Variants in RTN4IP1 observed in about 807,000 individuals in gnomAD.
RTN4IP1 encodes the protein reticulon 4 interacting protein 1, also known as NAD(P)H oxidoreductase RTN4IP1, mitochondrial.
A neutral mutation model predicts 46.6 loss-of-function variants in RTN4IP1; 32 were observed. The ratio of observed to expected loss-of-function variants is 0.69; its 90% CI spans 0.52 to 0.92. RTN4IP1 has a LOEUF of 0.92. RTN4IP1 is among the 40% of genes least tolerant of loss of function. The pLI is 0.00. For synonymous variants in RTN4IP1, 167 were observed against 161.8 expected (o/e 1.03, Z -0.24); for missense variants, 424 against 485.8 (o/e 0.87, Z 1.20).
Position 106,580,213 on chromosome 6 carries a change from C to CAAA in RTN4IP1, c.1083+3112_1083+3114dup, listed in dbSNP as rs746909333. 4.9e-3 allele frequency among the ~76,000 whole-genome samples: 339 copies of CAAA among 69,134 alleles called. 4 individuals are homozygous for CAAA. The highest frequency in any genetic ancestry group is 0.015 in the African/African-American group (283 of 19,280). The allele number at this position is 69,134 out of a possible 152,430, so 45.4% of individuals were successfully genotyped here. On this transcript the variant is annotated intron_variant, in intron 8 of 8. Coordinates refer to ENST00000369063, the MANE Select transcript of RTN4IP1 (RefSeq NM_032730.5). ...TGGGCGACAGAGCAAGACTCTGTCTCAAAAAAAAAAAAAAAAAAAGATAGT... is the reference window on the plus strand; with the variant it reads ...TGGGCGACAGAGCAAGACTCTGTCTCAAAAAAAAAAAAAAAAAAAAAAGATAGT...
At chr6:106,620,053 G>T (rs960743456) in intron 3 of RTN4IP1, among the ~76,000 whole-genome samples, 1 of 151,570 alleles carries the variant, frequency 6.6e-6, no homozygotes, top group East Asian at 1.9e-4. Context: ...TTTATTCTAA[G>T]AATACAGTAT....
In RTN4IP1 at chr6:106,625,290, C is replaced by T. The variant is rs543799525; in HGVS notation, c.275-2321G>A. ...CCACTCTGTACGTCTCCCCTTGCCCCGCACCCACTCCTGTGGGCAATCCAT... is the reference window on the plus strand; with the variant it reads ...CCACTCTGTACGTCTCCCCTTGCCCTGCACCCACTCCTGTGGGCAATCCAT... On this transcript the variant is annotated intron_variant, in intron 1 of 8. Transcript: ENST00000369063. 3.2e-4 allele frequency among the ~76,000 whole-genome samples: 49 copies of T among 152,076 alleles called. No homozygotes were observed. In the South Asian group the frequency reaches 0.01, roughly 32 times the overall value.
chr6:106,611,689 G>A lies in RTN4IP1; in HGVS notation c.620+7513C>T, dbSNP rs150827010. ...GTGAGAAACTTAATCTGAATAAGTG[G>A]AAAAATATAGCTACAAAACAAATCA... On this transcript the variant is annotated intron_variant, in intron 4 of 8. Coordinates refer to ENST00000369063, the MANE Select transcript of RTN4IP1 (RefSeq NM_032730.5). 1.8e-3 allele frequency among the ~76,000 whole-genome samples: 267 copies of A among 152,274 alleles called. 1 individual carries two copies. The highest frequency in any genetic ancestry group is 6.2e-3 in the African/African-American group (256 of 41,556).
chr6:106,573,143 C>T (rs1775123377), intron 8 of RTN4IP1, among the ~76,000 whole-genome samples: 1 of 152,196 alleles, frequency 6.6e-6, no homozygotes, highest in Non-Finnish European at 1.5e-5. Flanking sequence ...TCAGTAATGC[C>T]AGCAACCTCC....
intron 8 of RTN4IP1, among the ~76,000 whole-genome samples, chr6:106,573,875 G>A (rs1350539828): frequency 2.6e-5 from 4 of 152,212 alleles, no homozygotes; most frequent in African/African-American, 7.2e-5. Flanking sequence ...TGTGCCAGCT[G>A]AGGACCTGGT....
rs1390128467 is a variant in RTN4IP1, at chr6:106,610,353, C to T, written c.621-7431G>A. ...TGCTGGGATTACAGGTGTGAGCCAC[C>T]GCACCCGGCGGCAAAATAAATTTTC... is the stretch of plus-strand genomic sequence containing the variant. On this transcript the variant is annotated intron_variant, in intron 4 of 8. Transcript: ENST00000369063. 1.1e-4 allele frequency among the ~76,000 whole-genome samples: 17 copies of T among 152,214 alleles called. No homozygotes were observed. The South Asian group carries it at 1.5e-3, about 13-fold the overall frequency.
intron 4 of RTN4IP1, among the ~76,000 whole-genome samples, chr6:106,608,095 G>A (rs1776132053): frequency 6.6e-6 from 1 of 152,238 alleles, no homozygotes; most frequent in East Asian, 1.9e-4. Flanking sequence ...TCCATTAACA[G>A]ATAAACAGGT....
At chr6:106,587,917 G>A in intron 6 of RTN4IP1, 55 bp from the exon 7 acceptor site, 1 of 1,463,698 alleles carries the variant, frequency 6.8e-7, no homozygotes, top group Non-Finnish European at 9.3e-7. Context: ...ACTGGACTCT[G>A]ATCCTCCTTC....
chr6:106,605,161 C>T (rs113754341), intron 4 of RTN4IP1, among the ~76,000 whole-genome samples: 150 of 152,306 alleles, frequency 9.8e-4, no homozygotes, highest in African/African-American at 3.5e-3. Context: ...ACAGGCCAAG[C>T]GCGGTAGCTC....
chr6:106,629,834 G>A (rs1190786136), upstream of RTN4IP1: 5 of 1,121,706 alleles, frequency 4.5e-6, no homozygotes, highest in East Asian at 5.2e-5. Context: ...CTGAGTGGGG[G>A]ATAAGTACCT....
In RTN4IP1 at chr6:106,619,307, G is replaced by A; in HGVS notation, c.515C>T (p.Ser172Leu). 3.1e-6 allele frequency: 5 copies of A among 1,614,164 alleles called. No homozygotes were observed. Among genetic ancestry groups the A allele is most frequent in the Non-Finnish European group, 3.4e-6 (4 of 1,180,018 alleles). The change falls in exon 4 of 9, where the codon TCA (serine) becomes TTA (leucine). Residue 172 changes from serine to leucine, a missense_variant. By Grantham distance (145) the Ser-to-Leu change is moderately radical. Transcript: ENST00000369063. The stretch of plus-strand genomic sequence containing the variant: ...AGAGGCAGCTTGAGTATGAGTGAGT[G>A]ATTTGGGTTTGTGAGAGACCTACAT... ...SGNEVSHKPK[S>L]LTHTQAASLP...
At chr6:106,603,483 T>C (rs1562144971) in intron 4 of RTN4IP1, among the ~76,000 whole-genome samples, 1 of 152,212 alleles carries the variant, frequency 6.6e-6, no homozygotes, top group Non-Finnish European at 1.5e-5. Flanking sequence ...CTGCATGTTC[T>C]TACCATGTTA....
rs1775684480 is a variant in RTN4IP1, at chr6:106,592,363, T to TG, written c.670-64dup. The TG allele has an allele frequency of 2.6e-6, 4 of 1,535,744 alleles. No homozygotes were observed. In the South Asian group the frequency reaches 4.8e-5, roughly 19 times the overall value. On this transcript the variant is annotated intron_variant, in intron 5 of 8. Transcript: ENST00000369063. ...GAGAGATTAGAAAAACTGACTGCAT[T>TG]GAAAAAAAAATCATTGGCACCATGT...
intron 7 of RTN4IP1, among the ~76,000 whole-genome samples, chr6:106,584,904 T>C (rs1775448216): frequency 6.6e-6 from 1 of 152,200 alleles, no homozygotes; most frequent in Non-Finnish European, 1.5e-5. Flanking sequence ...GCTAAAGGAT[T>C]CATCATTAAT....
At chr6:106,589,108 AGAAGAAGAG>A (rs1332220010) in intron 6 of RTN4IP1, among the ~76,000 whole-genome samples, 24 of 115,214 alleles carry the variant, frequency 2.1e-4, no homozygotes, top group East Asian at 6.6e-4. Flanking sequence ...GAAACTCAGA[AGAAGAAGAG>A]GAAGAAGAGG....
intron 6 of RTN4IP1, among the ~76,000 whole-genome samples, chr6:106,588,117 A>G (rs1441352435): frequency 6.6e-6 from 1 of 152,194 alleles, no homozygotes; most frequent in Non-Finnish European, 1.5e-5. Flanking sequence ...TTCATTTTCT[A>G]GTACTTTAGA....
chr6:106,629,881 G>T (rs1164620320), upstream of RTN4IP1, among the ~76,000 whole-genome samples: 1 of 152,174 alleles, frequency 6.6e-6, no homozygotes, highest in African/African-American at 2.4e-5. Flanking sequence ...ACCCATTCAG[G>T]AGTTAGGACC....
chr6:106,605,816 C>CAAAAAAAA (rs60568175), intron 4 of RTN4IP1, among the ~76,000 whole-genome samples: 2 of 4,490 alleles, frequency 4.5e-4, no homozygotes, highest in East Asian at 2.1e-3. Flanking sequence ...GACTCTGTCC[C>CAAAAAAAA]AAAAAAAAAA....
intron 8 of RTN4IP1, among the ~76,000 whole-genome samples, chr6:106,581,518 A>G (rs953541702): frequency 6.6e-6 from 1 of 152,214 alleles, no homozygotes; most frequent in Non-Finnish European, 1.5e-5. Flanking sequence ...TGGCCTCATC[A>G]AGGCATCCAG....
Sources: gnomAD v4.1 joint callset for allele counts (sites outside exome capture counted in the v4.1 genomes callset) on GRCh38, gnomAD v4.1.1 for gene constraint, MANE v1.5 for transcripts, NCBI Gene and HGNC (gene_info 2026-07-23, HGNC 2026-07-21) for gene names.